The following NECTIN2 variants were observed in gnomAD, a reference collection of about 807,000 sequenced individuals.
NECTIN2 encodes nectin cell adhesion molecule 2.
In NECTIN2, 23 loss-of-function variants were observed where a neutral mutation model predicts 56.9. The observed-to-expected ratio is 0.40, with a 90% CI of 0.29 to 0.57. The LOEUF is 0.57. Among genes scored for constraint, NECTIN2 ranks in the 20% least tolerant of loss-of-function variants. NECTIN2 has a pLI of 0.38. For synonymous variants in NECTIN2, 302 were observed against 313.8 expected (o/e 0.96, Z 0.40); for missense variants, 587 against 718.3 (o/e 0.82, Z 2.09).
chr19:44,855,811 A>G (rs1968959077), intron 1 of NECTIN2, among the ~76,000 whole-genome samples: 2 of 152,198 alleles, frequency 1.3e-5, no homozygotes, highest in Non-Finnish European at 2.9e-5. Flanking sequence ...TGCTGGGGAT[A>G]CAGTAGGGGA....
At chr19:44,885,307 CTTTT>C (rs34485333) in intron 6 of NECTIN2, among the ~76,000 whole-genome samples, 12 of 112,900 alleles carry the variant, frequency 1.1e-4, no homozygotes, top group East Asian at 2.8e-4. Context: ...ATCTTTCTTT[CTTTT>C]TTTTTTTTTT....
intron 2 of NECTIN2, among the ~76,000 whole-genome samples, chr19:44,870,444 G>T (rs1459743287): frequency 6.6e-6 from 1 of 152,168 alleles, no homozygotes; most frequent in Middle Eastern, 3.2e-3. Flanking sequence ...GGTCCAGAAA[G>T]CAACAGAAGA....
In NECTIN2 at chr19:44,874,615, G is replaced by A. The variant is rs1051000370; in HGVS notation, c.1042+137G>A. The A allele has an allele frequency of 1.5e-5, 17 of 1,138,048 alleles. No individual in the cohort carries two copies. Among genetic ancestry groups the A allele is most frequent in the Non-Finnish European group, 2.1e-5 (17 of 800,810 alleles). The allele number at this position is 1,138,048 out of a possible 1,614,324, so 70.5% of individuals were successfully genotyped here. On this transcript the variant is annotated intron_variant, in intron 5 of 8. Coordinates refer to ENST00000252483, the MANE Select transcript of NECTIN2 (RefSeq NM_001042724.2). This position sits in a 1 kb window ranked among gnomAD's most constrained non-coding sequence, Gnocchi z 6.3. ...ATGCAGACCTGCCTGGCTGAGGGGA[G>A]ATGAGGGTTGGCCTTCCCCTCGTGG...
chr19:44,865,341 G>A lies in NECTIN2; in HGVS notation c.159G>A (p.Pro53=), dbSNP rs113179384. The stretch of plus-strand genomic sequence containing the variant: ...AGCTCGGGGGCACCGTGGAGCTGCC[G>A]TGCCACCTGCTGCCACCTGTTCCTG... ...RGQLGGTVEL[P]CHLLPPVPGL... Residue 53 remains proline, a synonymous_variant, in exon 2 of 9, where the codon CCG becomes CCA. Transcript: ENST00000252483. This position sits in a 1 kb window ranked among gnomAD's most constrained non-coding sequence, Gnocchi z 5.2. The A allele has an allele frequency of 2.8e-4, 454 of 1,614,100 alleles. 2 individuals are homozygous for A. The Middle Eastern group carries it at 5.6e-3, about 20-fold the overall frequency.
In NECTIN2 at chr19:44,871,834, C is replaced by G. The variant is rs749213698; in HGVS notation, c.479-19C>G. The G allele has an allele frequency of 3.1e-6, 5 of 1,606,784 alleles. No homozygotes were observed. The South Asian group carries it at 3.3e-5, about 11-fold the overall frequency. On this transcript the variant is annotated intron_variant, in intron 2 of 8. Transcript: ENST00000252483. Reference sequence around the variant, plus strand: ...ACTGCCGGTGAGGAGTGACGCACCCCCTCTCCTCCTCTCCCCAGCCAAGCC... The same window carrying G: ...ACTGCCGGTGAGGAGTGACGCACCCGCTCTCCTCCTCTCCCCAGCCAAGCC...
intron 3 of NECTIN2, among the ~76,000 whole-genome samples, chr19:44,873,539 G>A (rs751128845): frequency 8.6e-5 from 13 of 152,044 alleles, no homozygotes; most frequent in Admixed American, 1.3e-4. Context: ...AGGCTGAGGC[G>A]GAGGGATGGC....
At chr19:44,872,293 TG>T in intron 3 of NECTIN2, 144 bp downstream of exon 3, 1 of 835,388 alleles carries the variant, frequency 1.2e-6, no homozygotes, top group Admixed American at 2.7e-5. Flanking sequence ...TTGTCTACAC[TG>T]GCTCCCATGG....
intron 1 of NECTIN2, among the ~76,000 whole-genome samples, chr19:44,859,235 G>A (rs1170792590): frequency 1.3e-5 from 2 of 152,306 alleles, no homozygotes; most frequent in Admixed American, 6.5e-5. Context: ...AAGGCCACCT[G>A]TAATTAAACT....
chr19:44,879,254 C>A lies in NECTIN2; in HGVS notation c.1043-2957C>A, dbSNP rs562943120. Among the ~76,000 whole-genome samples the A allele has an allele frequency of 7.9e-5, 12 of 152,100 alleles. No individual in the cohort carries two copies. In the South Asian group the frequency reaches 2.5e-3, roughly 32 times the overall value. Reference sequence around the variant, plus strand: ...GCCTTTCTGGATGGTGTGGCCAGACCCATCAGAGGCAGGAGTTCTCTGGAC... The same window carrying A: ...GCCTTTCTGGATGGTGTGGCCAGACACATCAGAGGCAGGAGTTCTCTGGAC... On this transcript the variant is annotated intron_variant, in intron 5 of 8. Coordinates refer to ENST00000252483, the MANE Select transcript of NECTIN2 (RefSeq NM_001042724.2).
At position 44,873,995 on chromosome 19, in the gene NECTIN2, C is replaced by T. The variant is rs1419409974; in HGVS notation, c.855C>T (p.Val285=). Residue 285 remains valine (V), a synonymous_variant, in exon 4 of 9, where the codon GTC becomes GTT. Coordinates refer to ENST00000252483, the MANE Select transcript of NECTIN2 (RefSeq NM_001042724.2). ...CTGATGCCACCCTGAGCTGTGACGT[C>T]CGCAGCAACCCAGAGCCCACGGGCT... ...GRTDATLSCD[V]RSNPEPTGYD... 1.2e-6 allele frequency: 2 copies of T among 1,614,042 alleles called. No individual in the cohort carries two copies. The highest frequency in any genetic ancestry group is 1.3e-5 in the African/African-American group (1 of 75,038).
chr19:44,861,183 C>T (rs1226923287), intron 1 of NECTIN2, among the ~76,000 whole-genome samples: 1 of 152,198 alleles, frequency 6.6e-6, no homozygotes, highest in East Asian at 1.9e-4. Context: ...AAAGGGACCG[C>T]TTACCCACTG....
At chr19:44,881,938 G>A (rs1181493164) in intron 5 of NECTIN2, 5 of 307,846 alleles carry the variant, frequency 1.6e-5, no homozygotes, top group Non-Finnish European at 2.4e-5. Flanking sequence ...CTATTGTACT[G>A]GTTTGCTTAC....
intron 1 of NECTIN2, among the ~76,000 whole-genome samples, chr19:44,848,627 GCTGTCCA>G (rs1425465728): frequency 6.8e-6 from 1 of 148,002 alleles, no homozygotes; most frequent in Non-Finnish European, 1.5e-5. Flanking sequence ...CTTCGCCTCT[GCTGTCCA>G]CTGGCTGGCC....
At chr19:44,878,598 C>T (rs1224288223) in intron 5 of NECTIN2, 1 of 1,604,150 alleles carries the variant, frequency 6.2e-7, no homozygotes, top group Admixed American at 1.7e-5. Flanking sequence ...TCCCTCATCT[C>T]ACGGCGGGCA....
chr19:44,885,288 G>A (rs578167938), intron 6 of NECTIN2, among the ~76,000 whole-genome samples: 44 of 134,348 alleles, frequency 3.3e-4, no homozygotes, highest in African/African-American at 9.5e-4. Context: ...GAGCCACCAC[G>A]CCTGGCTGAT....
rs1433497294 is a variant in NECTIN2, at chr19:44,872,145, A to G, written c.771A>G (p.Val257=). ...CCCTGATACCTGTGACCCTCTCTGT[A>G]CGCTGTGAGTGTATCGGGGGTGACC... The part of the protein sequence containing the change: ...EPALIPVTLS[V]RYPPEVSISG... Residue 257 remains valine, a synonymous_variant, in exon 3 of 9, where the codon GTA becomes GTG. Transcript: ENST00000252483. 1 of 1,612,578 alleles carries G rather than the reference A, an allele frequency of 6.2e-7. No homozygotes were observed. The highest frequency in any genetic ancestry group is 1.3e-5 in the African/African-American group (1 of 75,020).
In NECTIN2 at chr19:44,865,585, G is replaced by T; in HGVS notation, c.403G>T (p.Glu135Ter). Reference sequence around the variant, plus strand: ...CCTCCACGGGCTCACGGTGGAGGACGAGGGCAACTACACTTGCGAGTTTGC... The same window carrying T: ...CCTCCACGGGCTCACGGTGGAGGACTAGGGCAACTACACTTGCGAGTTTGC... The part of the protein sequence containing the change: ...LALHGLTVED[E>*]GNYTCEFATF... The change falls in exon 2 of 9, where the codon GAG (glutamate) becomes TAG (stop). Residue 135 changes from glutamate to a stop codon, truncating the protein, a stop_gained. Transcript: ENST00000252483. LOFTEE classifies it high-confidence loss of function. The surrounding 1 kb of genome is among the most constrained non-coding windows in gnomAD (Gnocchi z 5.2). 1 of 1,546,584 alleles carries T rather than the reference G, an allele frequency of 6.5e-7. No homozygotes were observed.
At chr19:44,847,748 G>C (rs1046362358) in intron 1 of NECTIN2, among the ~76,000 whole-genome samples, 1 of 152,190 alleles carries the variant, frequency 6.6e-6, no homozygotes, top group Non-Finnish European at 1.5e-5. Flanking sequence ...CCTGGCTCCG[G>C]GTTCCGGACT....
At chr19:44,864,087 C>T (rs1205858702) in intron 1 of NECTIN2, among the ~76,000 whole-genome samples, 1 of 150,552 alleles carries the variant, frequency 6.6e-6, no homozygotes, top group African/African-American at 2.4e-5. Flanking sequence ...ATAATCCCAG[C>T]ACTTTGAGAG....
Sources: allele counts gnomAD v4.1 joint callset (sites outside exome capture counted in the v4.1 genomes callset), GRCh38; gene constraint gnomAD v4.1.1; non-coding constraint Gnocchi (gnomAD v3.1); transcripts MANE v1.5; gene names NCBI Gene and HGNC (gene_info 2026-07-23, HGNC 2026-07-21).